The following FAM81A variants were observed in gnomAD, a reference collection of about 807,000 sequenced individuals.
FAM81A encodes the protein family with sequence similarity 81 member A, also known as protein FAM81A.
FAM81A carries 19 observed loss-of-function variants against 46.7 expected under a neutral mutation model. The observed-to-expected ratio is 0.41, with a 90% confidence interval of 0.28 to 0.60. FAM81A has a LOEUF of 0.60. Among genes scored for constraint, FAM81A ranks in the 20% least tolerant of loss-of-function variants. FAM81A has a pLI of 0.34. For missense variants in FAM81A, 377 were observed against 453.5 expected, an observed-to-expected ratio of 0.83 and a Z score of 1.53; for synonymous variants, 183 against 152.9, an observed-to-expected ratio of 1.20 and a Z score of -1.45.
chr15:59,474,160 A>G (rs901312546), intron 3 of FAM81A, among the ~76,000 whole-genome samples: 9 of 152,184 alleles, frequency 5.9e-5, no homozygotes, highest in African/African-American at 1.2e-4. Flanking sequence ...TAGGACTAAC[A>G]TTGTTACTTT....
intron 4 of FAM81A, among the ~76,000 whole-genome samples, chr15:59,500,188 C>T (rs1178180416): frequency 6.6e-6 from 1 of 152,034 alleles, no homozygotes; most frequent in African/African-American, 2.4e-5. Flanking sequence ...GGTGTTTGCC[C>T]TACTTGGAGT....
chr15:59,479,336 C>T (rs1355359858), intron 3 of FAM81A, among the ~76,000 whole-genome samples: 3 of 151,756 alleles, frequency 2.0e-5, no homozygotes, highest in African/African-American at 4.8e-5. Context: ...TATGGTGATA[C>T]CCTGTCTCTA....
At chr15:59,475,328 G>A (rs759929197) in intron 3 of FAM81A, among the ~76,000 whole-genome samples, 9 of 152,040 alleles carry the variant, frequency 5.9e-5, no homozygotes, top group African/African-American at 1.9e-4. Flanking sequence ...TTTTTGTAGA[G>A]ACAGGGTTTC....
chr15:59,427,299 C>A (rs1165698634), intron 2 of FAM81A, among the ~76,000 whole-genome samples: 1 of 151,922 alleles, frequency 6.6e-6, no homozygotes, highest in Non-Finnish European at 1.5e-5. Flanking sequence ...TTAGTAGAGA[C>A]GGGGTTTCTC....
At chr15:59,410,733 A>T (rs1280691447) in intron 2 of FAM81A, among the ~76,000 whole-genome samples, 1 of 152,218 alleles carries the variant, frequency 6.6e-6, no homozygotes, top group South Asian at 2.1e-4. Context: ...CAAGCAACAG[A>T]TGTTTCTTTA....
In FAM81A at chr15:59,460,371, A is replaced by G. The variant is rs571910204; in HGVS notation, c.294+165A>G. On this transcript the variant is annotated intron_variant, in intron 3 of 8. Coordinates refer to ENST00000288228, the MANE Select transcript of FAM81A (RefSeq NM_152450.3). This position sits in a 1 kb window ranked among gnomAD's most constrained non-coding sequence, Gnocchi z 4.4. Reference sequence around the variant, plus strand: ...ATCGCCAAGGAGACAGCTTGCAGAAATATCCTAATTAAATTTATTCCAGTG... The same window carrying G: ...ATCGCCAAGGAGACAGCTTGCAGAAGTATCCTAATTAAATTTATTCCAGTG... 127 of 905,076 alleles carry G rather than the reference A, an allele frequency of 1.4e-4. 2 individuals are homozygous for G. The South Asian group carries it at 1.5e-3, about 11-fold the overall frequency. 56.1% of individuals were successfully genotyped at this position (905,076 alleles called of 1,614,324 possible).
chr15:59,408,098 C>T (rs1374272143), intron 2 of FAM81A: 5 of 162,322 alleles, frequency 3.1e-5, no homozygotes, highest in African/African-American at 9.6e-5. Context: ...CCTGCTTCTT[C>T]GCGACAGCAG....
chr15:59,485,651 C>T (rs1458519465), intron 3 of FAM81A, among the ~76,000 whole-genome samples: 5 of 152,122 alleles, frequency 3.3e-5, no homozygotes, highest in South Asian at 2.1e-4. Flanking sequence ...GGAAAGCCTT[C>T]GCAAGAAGAA....
chr15:59,517,739 G>C (rs1438031494), intron 8 of FAM81A, among the ~76,000 whole-genome samples: 1 of 152,060 alleles, frequency 6.6e-6, no homozygotes, highest in Non-Finnish European at 1.5e-5. Context: ...ATATGAATTG[G>C]AGAACTTGTA....
At chr15:59,399,712 C>T (rs368020810) in intron 1 of FAM81A, among the ~76,000 whole-genome samples, 1 of 152,130 alleles carries the variant, frequency 6.6e-6, no homozygotes. Flanking sequence ...AATTCTCTCC[C>T]TATGCGAGGC....
rs1555424998 is a variant in FAM81A at position 59,403,047 on chromosome 15, C to CTATTTCATT, written c.-78+691_-78+692insTTTCATTTA. Among the ~76,000 whole-genome samples, 49 of 151,442 alleles carry CTATTTCATT rather than the reference C, an allele frequency of 3.2e-4. 1 individual carries two copies. The highest frequency in any genetic ancestry group is 5.3e-4 in the Non-Finnish European group (36 of 67,836). On this transcript the variant is annotated intron_variant, in intron 2 of 4. Transcript: ENST00000558348. ...GGAACGCTACTGATTTATATAGGTT[C>CTATTTCATT]TAGTTCATTTAGTTCATGGGTCTAT...
chr15:59,429,485 C>G (rs146382340), intron 2 of FAM81A, among the ~76,000 whole-genome samples: 1 of 152,048 alleles, frequency 6.6e-6, no homozygotes, highest in African/African-American at 2.4e-5. Context: ...AGAATTGTTC[C>G]TCTCTAAACT....
rs746557408 is a variant in FAM81A, at chr15:59,521,264, C to T, written c.993C>T (p.Ala331=). ...MKAEVNAGFT[A]VYESIGSLRQ... ...TACCTCTCCTTCAAGGGTTTACAGC[C>T]GTCTATGAAAGCATAGGATCCCTCA... The change falls in exon 9 of 9, where the codon GCC becomes GCT. Residue 331 remains alanine, a synonymous_variant. Transcript: ENST00000288228. 157 of 1,612,808 alleles carry T rather than the reference C, an allele frequency of 9.7e-5. 1 individual carries two copies. In the Middle Eastern group the frequency reaches 8.6e-3, roughly 88 times the overall value.
At chr15:59,504,093 GT>G (rs1279460868) in intron 4 of FAM81A, among the ~76,000 whole-genome samples, 1 of 152,124 alleles carries the variant, frequency 6.6e-6, no homozygotes, top group Non-Finnish European at 1.5e-5. Context: ...GGAAGCTTAT[GT>G]TTGGACTGGA....
intron 1 of FAM81A, 41 bp from the exon 2 acceptor site, chr15:59,458,509 A>T: frequency 1.4e-6 from 2 of 1,444,420 alleles, no homozygotes; most frequent in Non-Finnish European, 9.6e-7. Context: ...TAAGTTCTAG[A>T]TATAAACTGT....
At chr15:59,493,326 G>A (rs568687943) in intron 4 of FAM81A, among the ~76,000 whole-genome samples, 1 of 152,274 alleles carries the variant, frequency 6.6e-6, no homozygotes, top group South Asian at 2.1e-4. Context: ...GTCTATAATA[G>A]CAGAGGGCTG....
chr15:59,469,088 TTTCTG>T (rs1252890932), intron 3 of FAM81A, among the ~76,000 whole-genome samples: 1 of 152,220 alleles, frequency 6.6e-6, no homozygotes, highest in African/African-American at 2.4e-5. Flanking sequence ...TTTGTTGTGA[TTTCTG>T]TTCTTTTACA....
intron 5 of FAM81A, among the ~76,000 whole-genome samples, chr15:59,507,681 C>T (rs116195136): frequency 2.1e-3 from 319 of 152,324 alleles, no homozygotes; most frequent in African/African-American, 7.0e-3. Context: ...ACATGCCACT[C>T]GTCCCAATTT....
At chr15:59,461,606 C>T (rs1849328307) in intron 3 of FAM81A, among the ~76,000 whole-genome samples, 1 of 152,140 alleles carries the variant, frequency 6.6e-6, no homozygotes, top group Admixed American at 6.5e-5. Context: ...CAGATGTGAG[C>T]CACTGTGCCC....
Sources: gnomAD v4.1 joint callset for allele counts (sites outside exome capture counted in the v4.1 genomes callset) on GRCh38, gnomAD v4.1.1 for gene constraint, Gnocchi (gnomAD v3.1) non-coding constraint, MANE v1.5 for transcripts, NCBI Gene and HGNC (gene_info 2026-07-23, HGNC 2026-07-21) for gene names.